Variants in ULK4 observed in about 807,000 individuals in gnomAD.
ULK4 encodes the protein unc-51 like kinase 4.
A neutral mutation model predicts 160.6 loss-of-function variants in ULK4; 133 were observed. That is an observed-to-expected ratio of 0.83 (90% CI 0.72 to 0.96). The LOEUF (loss-of-function observed/expected upper bound fraction) is 0.96. Ranked by LOEUF, ULK4 falls within the 40% of genes least tolerant of loss-of-function variation. The pLI is 0.00. For missense variants in ULK4, 1,580 were observed against 1,499.5 expected (o/e 1.05, Z -0.89); for synonymous variants, 534 against 539.8 (o/e 0.99, Z 0.15).
chr3:41,372,654 A>G (rs1193334824), intron 35 of ULK4, among the ~76,000 whole-genome samples: 1 of 152,240 alleles, frequency 6.6e-6, no homozygotes, highest in Non-Finnish European at 1.5e-5. Context: ...TAAATATGGA[A>G]AGGAAAAGCC....
intron 31 of ULK4, among the ~76,000 whole-genome samples, chr3:41,571,131 A>G (rs917790832): frequency 2.0e-5 from 3 of 152,272 alleles, no homozygotes; most frequent in Non-Finnish European, 2.9e-5. Context: ...TGCTCAGAAT[A>G]AAGTGAGGGC....
intron 22 of ULK4, among the ~76,000 whole-genome samples, chr3:41,748,453 T>C (rs558983787): frequency 1.3e-5 from 2 of 152,272 alleles, no homozygotes; most frequent in South Asian, 4.1e-4. Flanking sequence ...TCTGCCATAA[T>C]ACTGTGCTTT....
At chr3:41,499,258 AAAGCTCATG>A in intron 32 of ULK4, among the ~76,000 whole-genome samples, 1 of 152,122 alleles carries the variant, frequency 6.6e-6, no homozygotes, top group East Asian at 1.9e-4. Context: ...TTTGCTAGAA[AAAGCTCATG>A]AAGAACCCCA....
chr3:41,646,064 T>C (rs2034474404), intron 30 of ULK4, among the ~76,000 whole-genome samples: 1 of 152,182 alleles, frequency 6.6e-6, no homozygotes, highest in Non-Finnish European at 1.5e-5. Flanking sequence ...CCTCCATCCT[T>C]TTATTTTGAG....
At chr3:41,391,265 G>A (rs144217474) in intron 35 of ULK4, among the ~76,000 whole-genome samples, 4 of 152,120 alleles carry the variant, frequency 2.6e-5, no homozygotes, top group Non-Finnish European at 4.4e-5. Context: ...TTTCAGAAAC[G>A]CTTAAGAGCA....
intron 34 of ULK4, among the ~76,000 whole-genome samples, chr3:41,403,183 A>T (rs1319581543): frequency 6.6e-6 from 1 of 151,982 alleles, no homozygotes; most frequent in African/African-American, 2.4e-5. Context: ...TATAAAATTG[A>T]TACTTAATTC....
At chr3:41,285,661 C>T (rs2079443307) in intron 35 of ULK4, among the ~76,000 whole-genome samples, 1 of 152,084 alleles carries the variant, frequency 6.6e-6, no homozygotes, top group Non-Finnish European at 1.5e-5. Context: ...GTGATGGGTG[C>T]ACCAAACTGT....
chr3:41,374,770 T>C (rs759609309), intron 35 of ULK4, among the ~76,000 whole-genome samples: 8 of 152,080 alleles, frequency 5.3e-5, no homozygotes, highest in Non-Finnish European at 8.8e-5. Flanking sequence ...CAACATAATA[T>C]TGGAAGTTCT....
intron 35 of ULK4, among the ~76,000 whole-genome samples, chr3:41,385,637 C>T (rs756771797): frequency 6.6e-6 from 1 of 152,160 alleles, no homozygotes; most frequent in Non-Finnish European, 1.5e-5. Flanking sequence ...ATCCTATGAA[C>T]AATACACTAA....
chr3:41,779,912 C>T (rs1575695665), intron 21 of ULK4, among the ~76,000 whole-genome samples: 1 of 87,232 alleles, frequency 1.1e-5, no homozygotes, highest in East Asian at 2.5e-4. Context: ...GTGCAGCGCA[C>T]CAGCATGGCA....
chr3:41,847,067 C>T (rs1226855453), intron 17 of ULK4, among the ~76,000 whole-genome samples: 1 of 152,128 alleles, frequency 6.6e-6, no homozygotes, highest in African/African-American at 2.4e-5. Context: ...GACTGTACTG[C>T]CATTTTCCAC....
chr3:41,548,519 A>G (rs956480742), intron 32 of ULK4, among the ~76,000 whole-genome samples: 8 of 152,086 alleles, frequency 5.3e-5, no homozygotes, highest in African/African-American at 1.7e-4. Context: ...CACATGCCAC[A>G]TGGGGGCATG....
intron 21 of ULK4, among the ~76,000 whole-genome samples, chr3:41,769,076 C>G (rs1034908948): frequency 7.2e-5 from 11 of 152,134 alleles, no homozygotes; most frequent in African/African-American, 2.7e-4. Flanking sequence ...TGAAACTAGA[C>G]AAACTATAAC....
At chr3:41,752,898 T>C (rs372279257) in intron 22 of ULK4, among the ~76,000 whole-genome samples, 2 of 152,262 alleles carry the variant, frequency 1.3e-5, no homozygotes, top group African/African-American at 4.8e-5. Flanking sequence ...TCAGTTAATA[T>C]TGGTATATTT....
At chr3:41,290,125 T>C (rs1263814194) in intron 35 of ULK4, among the ~76,000 whole-genome samples, 1 of 152,186 alleles carries the variant, frequency 6.6e-6, no homozygotes. Context: ...TCTGCCCGCC[T>C]TGGCCTCCCA....
At chr3:41,623,480 G>A (rs1046305968) in intron 30 of ULK4, among the ~76,000 whole-genome samples, 8 of 152,096 alleles carry the variant, frequency 5.3e-5, no homozygotes, top group Non-Finnish European at 1.0e-4. Context: ...ACCATCACTG[G>A]GTGAATGAAT....
intron 35 of ULK4, among the ~76,000 whole-genome samples, chr3:41,364,966 G>C (rs2081227194): frequency 6.6e-6 from 1 of 152,154 alleles, no homozygotes; most frequent in African/African-American, 2.4e-5. Flanking sequence ...GCAAGGGGTG[G>C]GGCCTGAGAT....
At chr3:41,634,520 A>G (rs2033874749) in intron 30 of ULK4, among the ~76,000 whole-genome samples, 2 of 152,218 alleles carry the variant, frequency 1.3e-5, no homozygotes, top group South Asian at 2.1e-4. Context: ...AGAAAAATGC[A>G]TGGCAAGTAG....
In ULK4 at chr3:41,754,535, G is replaced by C. The variant is rs539402822; in HGVS notation, c.2194-47C>G. The C allele has an allele frequency of 3.2e-6, 5 of 1,586,284 alleles. No homozygotes were observed. The East Asian group carries it at 9.0e-5, about 29-fold the overall frequency. On this transcript the variant is annotated intron_variant, in intron 21 of 36. Coordinates refer to ENST00000301831, the MANE Select transcript of ULK4 (RefSeq NM_017886.4). ...TTTTTTGAGAGAACATAAAAAAATA[G>C]GGCAGTCTCAATTCTCAGAGTGAAC...
Sources: allele counts gnomAD v4.1 joint callset (sites outside exome capture counted in the v4.1 genomes callset), GRCh38; gene constraint gnomAD v4.1.1; transcripts MANE v1.5; gene names NCBI Gene and HGNC (gene_info 2026-07-23, HGNC 2026-07-21).